The following TRPM3 variants were observed in gnomAD, a reference collection of about 807,000 sequenced individuals.
TRPM3 encodes the protein long transient receptor potential channel 3.
TRPM3 carries 77 observed loss-of-function variants against 181.2 expected under a neutral mutation model. That is an observed-to-expected ratio of 0.42 (90% CI 0.35 to 0.51). TRPM3 has a LOEUF of 0.51. TRPM3 is among the 20% of genes least tolerant of loss of function. TRPM3 has a pLI of 0.01. For missense variants in TRPM3, 1,759 were observed against 2,196.7 expected, an observed-to-expected ratio of 0.80 and a Z score of 3.98; for synonymous variants, 745 against 796.4, an observed-to-expected ratio of 0.94 and a Z score of 1.09.
chr9:70,687,360 T>A (rs1053812692), intron 8 of TRPM3, among the ~76,000 whole-genome samples: 1 of 152,204 alleles, frequency 6.6e-6, no homozygotes, highest in African/African-American at 2.4e-5. Flanking sequence ...GAAGTAAAAG[T>A]TATTAACTTA....
chr9:71,096,590 A>ACACACACTCTCTCTCTCTCTCTCTCTCT (rs1452142664), intron 1 of TRPM3, among the ~76,000 whole-genome samples: 24 of 90,036 alleles, frequency 2.7e-4, no homozygotes, highest in African/African-American at 1.2e-3. Context: ...ACACACACAC[A>ACACACACTCTCTCTCTCTCTCTCTCTCT]CTCTCTCTCT....
intron 1 of TRPM3, among the ~76,000 whole-genome samples, chr9:71,258,423 T>G (rs914281923): frequency 2.0e-5 from 3 of 152,216 alleles, no homozygotes; most frequent in African/African-American, 7.2e-5. Flanking sequence ...TTCTATTTAT[T>G]ACAGGGAGTA....
chr9:71,254,807 G>C (rs2082574393), intron 1 of TRPM3, among the ~76,000 whole-genome samples: 1 of 152,078 alleles, frequency 6.6e-6, no homozygotes, highest in Non-Finnish European at 1.5e-5. Context: ...CTAAAGTACA[G>C]AGGTGGTAAG....
In TRPM3 at chr9:71,336,406, G is replaced by A. The variant is rs553513309; in HGVS notation, c.183+110247C>T. ...AATCCAACTTACAAGGGATGTGAAG[G>A]ACTTCTTCAAGGAGAACTACAAACC... On this transcript the variant is annotated intron_variant, in intron 1 of 24. Coordinates refer to the TRPM3 transcript ENST00000357533. Among the ~76,000 whole-genome samples, 134 of 152,184 alleles carry A rather than the reference G, an allele frequency of 8.8e-4. 1 individual carries two copies. The highest frequency in any genetic ancestry group is 3.1e-3 in the African/African-American group (129 of 41,532).
intron 1 of TRPM3, among the ~76,000 whole-genome samples, chr9:71,180,079 A>G (rs1310788806): frequency 8.7e-6 from 1 of 115,404 alleles, no homozygotes; most frequent in Non-Finnish European, 1.7e-5. Flanking sequence ...TTTGAGACAG[A>G]GTTTCACTCT....
intron 1 of TRPM3, among the ~76,000 whole-genome samples, chr9:71,108,644 C>G (rs537026702): frequency 6.6e-6 from 1 of 152,096 alleles, no homozygotes; most frequent in Non-Finnish European, 1.5e-5. Context: ...GAATAATAGA[C>G]GAAGCTAACT....
intron 1 of TRPM3, among the ~76,000 whole-genome samples, chr9:71,224,582 G>A (rs2080460987): frequency 6.6e-6 from 1 of 152,152 alleles, no homozygotes; most frequent in South Asian, 2.1e-4. Context: ...CCATCCTGGA[G>A]AGAAAGAAAT....
rs185653905 is a variant in TRPM3, at chr9:70,556,307, C to T, written c.3224-2997G>A. ...TTTATTGAAGATTTGATTTGTTTGG[C>T]GCCGGGAACCTCCTGCCAATCTTTT... is the stretch of plus-strand genomic sequence containing the variant. On this transcript the variant is annotated intron_variant, in intron 22 of 25. Transcript: ENST00000677713. Among the ~76,000 whole-genome samples, 291 of 151,618 alleles carry T rather than the reference C, an allele frequency of 1.9e-3. 1 individual carries two copies. The highest frequency in any genetic ancestry group is 6.9e-3 in the African/African-American group (285 of 41,318).
chr9:70,739,393 A>G (rs2073492432), intron 8 of TRPM3, among the ~76,000 whole-genome samples: 1 of 152,192 alleles, frequency 6.6e-6, no homozygotes, highest in African/African-American at 2.4e-5. Flanking sequence ...GATCATCTCA[A>G]TAGATGCAGA....
At chr9:71,174,956 C>A (rs2077036064) in intron 1 of TRPM3, among the ~76,000 whole-genome samples, 2 of 152,156 alleles carry the variant, frequency 1.3e-5, no homozygotes, top group African/African-American at 4.8e-5. Context: ...GCTGGAGTTA[C>A]TGGAAATGAA....
chr9:71,295,559 G>A (rs1264722344), intron 1 of TRPM3, among the ~76,000 whole-genome samples: 1 of 147,228 alleles, frequency 6.8e-6, no homozygotes, highest in Non-Finnish European at 1.5e-5. Flanking sequence ...GCCAGGTGCA[G>A]TGGCTAACAA....
chr9:71,304,688 C>A (rs2087101752), intron 1 of TRPM3, among the ~76,000 whole-genome samples: 1 of 152,178 alleles, frequency 6.6e-6, no homozygotes, highest in South Asian at 2.1e-4. Flanking sequence ...ATTGTATCTG[C>A]AAAAGTTATT....
intron 25 of TRPM3, among the ~76,000 whole-genome samples, chr9:70,542,530 T>C (rs2043722825): frequency 6.6e-6 from 1 of 152,210 alleles, no homozygotes; most frequent in Non-Finnish European, 1.5e-5. Flanking sequence ...AGTAAGATGA[T>C]GACTAGCTTC....
chr9:71,242,891 C>A (rs1168124540), intron 1 of TRPM3, among the ~76,000 whole-genome samples: 1 of 152,116 alleles, frequency 6.6e-6, no homozygotes, highest in African/African-American at 2.4e-5. Context: ...AAAATGCATG[C>A]TGCTTATCCA....
At chr9:71,396,410 G>A (rs75344618) in intron 1 of TRPM3, among the ~76,000 whole-genome samples, 3,059 of 151,936 alleles carry the variant, frequency 0.02, 42 homozygotes, top group Middle Eastern at 0.066. Flanking sequence ...AAGGTGACAC[G>A]ATTTGATCTA....
intron 8 of TRPM3, among the ~76,000 whole-genome samples, chr9:70,691,583 T>C (rs1201000719): frequency 6.6e-6 from 1 of 152,188 alleles, no homozygotes; most frequent in Non-Finnish European, 1.5e-5. Context: ...TGCTTTTGAC[T>C]CTAATCCCTC....
intron 8 of TRPM3, among the ~76,000 whole-genome samples, chr9:70,741,042 AT>A (rs1228186148): frequency 6.6e-6 from 1 of 152,220 alleles, no homozygotes; most frequent in African/African-American, 2.4e-5. Context: ...GTGGGAGAAA[AT>A]CTTTGCAGTT....
intron 1 of TRPM3, among the ~76,000 whole-genome samples, chr9:70,914,780 A>G (rs1334527061): frequency 6.6e-6 from 1 of 152,228 alleles, no homozygotes; most frequent in African/African-American, 2.4e-5. Context: ...GGAAAAAGTA[A>G]GGGAAGAGAA....
intron 1 of TRPM3, among the ~76,000 whole-genome samples, chr9:71,290,759 T>G (rs2085739553): frequency 6.6e-6 from 1 of 152,172 alleles, no homozygotes; most frequent in Non-Finnish European, 1.5e-5. Flanking sequence ...CAAATCATCC[T>G]AAAACCCTTA....
Sources: allele counts gnomAD v4.1 joint callset (sites outside exome capture counted in the v4.1 genomes callset), GRCh38; gene constraint gnomAD v4.1.1; transcripts MANE v1.5; gene names NCBI Gene and HGNC (gene_info 2026-07-23, HGNC 2026-07-21).